The following ALMS1 variants were observed in gnomAD, a reference collection of about 807,000 sequenced individuals.
ALMS1 encodes the protein ALMS1 centrosome and basal body associated protein, also known as centrosome-associated protein ALMS1.
Under a neutral mutation model 352.2 loss-of-function variants are expected in ALMS1, and 271 were observed. The observed-to-expected ratio is 0.77, with a 90% confidence interval of 0.70 to 0.85. The LOEUF (loss-of-function observed/expected upper bound fraction) is 0.85. Ranked by LOEUF, ALMS1 falls within the 40% of genes least tolerant of loss-of-function variation. The probability of loss-of-function intolerance (pLI) is 0.00; values close to 1 mark genes in which losing one functional copy is unlikely to be tolerated. For missense variants in ALMS1, 5,445 were observed against 4,870.7 expected (o/e 1.12, Z -3.51); for synonymous variants, 1,865 against 1,761.2 (o/e 1.06, Z -1.48).
chr2:73,572,687 A>G lies in ALMS1; in HGVS notation c.10810A>G (p.Lys3604Glu). The part of the protein sequence containing the change: ...HTVSLNELWN[K>E]YRERQRQQRQ... Reference sequence around the variant, plus strand: ...TGTGAGTTTGAATGAACTGTGGAACAAGTATCGGGAGCGACAGAGGCAACA... The same window carrying G: ...TGTGAGTTTGAATGAACTGTGGAACGAGTATCGGGAGCGACAGAGGCAACA... Residue 3604 changes from lysine to glutamate, a missense_variant, in exon 16 of 23, where the codon AAG (lysine) becomes GAG (glutamate). Physicochemically the swap from Lys to Glu is moderately conservative, Grantham distance 56 (BLOSUM62 1). Coordinates refer to ENST00000613296, the MANE Select transcript of ALMS1 (RefSeq NM_001378454.1). The G allele has an allele frequency of 2.5e-6, 4 of 1,614,098 alleles. No individual in the cohort carries two copies. The highest frequency in any genetic ancestry group is 3.4e-6 in the Non-Finnish European group (4 of 1,179,998).
chr2:73,445,907 G>A (rs1377379302), intron 7 of ALMS1, among the ~76,000 whole-genome samples: 1 of 152,062 alleles, frequency 6.6e-6, no homozygotes, highest in Admixed American at 6.6e-5. Flanking sequence ...CTCACACTTA[G>A]TGTATTCTTC....
intron 9 of ALMS1, among the ~76,000 whole-genome samples, chr2:73,480,493 G>A (rs1186121944): frequency 6.6e-6 from 1 of 152,136 alleles, no homozygotes; most frequent in African/African-American, 2.4e-5. Flanking sequence ...CATTTGGATT[G>A]GTTCCAAGTC....
intron 11 of ALMS1, among the ~76,000 whole-genome samples, chr2:73,526,366 C>T (rs982382002): frequency 6.6e-6 from 1 of 151,820 alleles, no homozygotes; most frequent in African/African-American, 2.4e-5. Context: ...AGTGGAATAC[C>T]CCACTGCTTT....
chr2:73,547,890 A>G (rs1674354402), intron 12 of ALMS1, among the ~76,000 whole-genome samples: 1 of 152,060 alleles, frequency 6.6e-6, no homozygotes. Flanking sequence ...TTATCTATAG[A>G]GATAGGGAGA....
At chr2:73,582,321 GTGT>G (rs964787482) in intron 16 of ALMS1, among the ~76,000 whole-genome samples, 18 of 152,146 alleles carry the variant, frequency 1.2e-4, no homozygotes, top group Admixed American at 7.2e-4. Context: ...AAATAAAGGT[GTGT>G]TCAACTAAAT....
At chr2:73,599,274 G>C (rs181663860) in intron 16 of ALMS1, 127 bp from the exon 17 acceptor site, 3 of 1,250,914 alleles carry the variant, frequency 2.4e-6, no homozygotes, top group South Asian at 2.5e-5. Flanking sequence ...AGTATCTCAA[G>C]CTTCCTCCAA....
chr2:73,487,793 C>T (rs923487879), intron 9 of ALMS1, among the ~76,000 whole-genome samples: 2 of 152,156 alleles, frequency 1.3e-5, no homozygotes, highest in African/African-American at 2.4e-5. Context: ...TTTCTGCAGG[C>T]AGGTCATCCT....
At chr2:73,507,762 G>A (rs560309380) in intron 10 of ALMS1, among the ~76,000 whole-genome samples, 2 of 152,042 alleles carry the variant, frequency 1.3e-5, no homozygotes, top group African/African-American at 4.8e-5. Context: ...AGGGTTTTTC[G>A]TGTCTCTATT....
intron 1 of ALMS1, among the ~76,000 whole-genome samples, chr2:73,406,535 A>G (rs1265537542): frequency 7.1e-6 from 1 of 140,790 alleles, no homozygotes; most frequent in Non-Finnish European, 1.5e-5. Flanking sequence ...TTTGGTAGGG[A>G]TATATTTTGA....
chr2:73,555,638 A>G (rs1423528221), intron 13 of ALMS1, among the ~76,000 whole-genome samples: 1 of 152,212 alleles, frequency 6.6e-6, no homozygotes. Flanking sequence ...TTTTGCCTAA[A>G]CGATATCAAA....
chr2:73,495,651 A>C (rs1673087939), intron 10 of ALMS1, among the ~76,000 whole-genome samples: 1 of 152,208 alleles, frequency 6.6e-6, no homozygotes. Context: ...TTTCTCAGTG[A>C]ATAAAGCTAA....
At position 73,449,164 on chromosome 2, in the gene ALMS1, T is replaced by C. The variant is rs1671873372; in HGVS notation, c.2637T>C (p.His879=). ...AFYQQTLPNS[H]LTEEALKVSI... is the part of the protein sequence containing the mutation. ...ATCAGCAGACCTTACCCAATAGTCA[T>C]CTAACTGAAGAGGCTCTGAAAGTAT... is the stretch of plus-strand genomic sequence containing the variant. The change falls in exon 8 of 23, where the codon CAT becomes CAC. Residue 879 remains histidine (H), a synonymous_variant. Transcript: ENST00000613296. The C allele has an allele frequency of 6.2e-7, 1 of 1,614,088 alleles. No homozygotes were observed. The highest frequency in any genetic ancestry group is 8.5e-7 in the Non-Finnish European group (1 of 1,179,994).
chr2:73,419,850 A>G (rs903644310), intron 3 of ALMS1, among the ~76,000 whole-genome samples: 1 of 152,194 alleles, frequency 6.6e-6, no homozygotes, highest in African/African-American at 2.4e-5. Context: ...TTTATAAAAG[A>G]TAAACTTTAA....
At chr2:73,486,039 G>C (rs907134370) in intron 9 of ALMS1, among the ~76,000 whole-genome samples, 3 of 151,928 alleles carry the variant, frequency 2.0e-5, no homozygotes, top group Non-Finnish European at 4.4e-5. Flanking sequence ...TCTTCTGCGT[G>C]GCTCACGCTG....
chr2:73,600,421 T>C (rs1289412034), intron 17 of ALMS1, among the ~76,000 whole-genome samples: 1 of 152,232 alleles, frequency 6.6e-6, no homozygotes, highest in Non-Finnish European at 1.5e-5. Context: ...CTTTACCCTT[T>C]GAACCCATAT....
chr2:73,568,133 T>C (rs1674840342), intron 15 of ALMS1, among the ~76,000 whole-genome samples: 1 of 152,168 alleles, frequency 6.6e-6, no homozygotes, highest in South Asian at 2.1e-4. Flanking sequence ...ACTGTCTTAA[T>C]AAAGAATGTA....
chr2:73,475,123 A>T (rs1672557054), intron 9 of ALMS1, among the ~76,000 whole-genome samples: 1 of 152,056 alleles, frequency 6.6e-6, no homozygotes, highest in Non-Finnish European at 1.5e-5. Context: ...TTGTATAGAT[A>T]CTTTGTTTAC....
chr2:73,554,378 AC>A (rs1177062955), intron 13 of ALMS1, among the ~76,000 whole-genome samples: 1 of 152,088 alleles, frequency 6.6e-6, no homozygotes, highest in Non-Finnish European at 1.5e-5. Flanking sequence ...GGTAAATTCA[AC>A]AGTACATTTC....
At position 73,453,415 on chromosome 2, in the gene ALMS1, A is replaced by C; in HGVS notation, c.6888A>C (p.Gln2296His). The change falls in exon 8 of 23, where the codon CAA (glutamine) becomes CAC (histidine). Residue 2296 changes from glutamine to histidine, a missense_variant. Transcript: ENST00000613296. ...ATATTAGTGATATTTCATTTATACAATCTAAGAAGGTGGTTTGCTTCAAAG... is the reference window on the plus strand; with the variant it reads ...ATATTAGTGATATTTCATTTATACACTCTAAGAAGGTGGTTTGCTTCAAAG... ...FRDISDISFI[Q>H]SKKVVCFKEP... 6.2e-7 allele frequency: 1 copy of C among 1,613,652 alleles called. No homozygotes were observed. The highest frequency in any genetic ancestry group is 8.5e-7 in the Non-Finnish European group (1 of 1,179,802).
Sources: allele counts gnomAD v4.1 joint callset (sites outside exome capture counted in the v4.1 genomes callset), GRCh38; gene constraint gnomAD v4.1.1; transcripts MANE v1.5; gene names NCBI Gene and HGNC (gene_info 2026-07-23, HGNC 2026-07-21).